OPCML: variants seen among roughly 807,000 people sequenced by gnomAD.
OPCML encodes opioid-binding protein/cell adhesion molecule.
A neutral mutation model predicts 37.8 loss-of-function variants in OPCML; 13 were observed. That is an observed-to-expected ratio of 0.34 (90% CI 0.22 to 0.55). The LOEUF is 0.55. OPCML is among the 20% of genes least tolerant of loss of function. The pLI is 0.91. For synonymous variants in OPCML, 176 were observed against 168.8 expected, an observed-to-expected ratio of 1.04 and a Z score of -0.33; for missense variants, 341 against 435.6, an observed-to-expected ratio of 0.78 and a Z score of 1.93.
At chr11:132,539,850 G>A (rs888493949) in intron 3 of OPCML, among the ~76,000 whole-genome samples, 9 of 152,042 alleles carry the variant, frequency 5.9e-5, no homozygotes, top group African/African-American at 2.2e-4. Context: ...GGGTAATAAG[G>A]GTGGTGAAGA....
intron 1 of OPCML, among the ~76,000 whole-genome samples, chr11:133,010,881 TC>T (rs1947200205): frequency 6.6e-6 from 1 of 152,210 alleles, no homozygotes; most frequent in African/African-American, 2.4e-5. Context: ...GAAGCTTAAC[TC>T]CAGCTTTTGT....
At chr11:133,496,421 C>A (rs1038843607) in intron 1 of OPCML, among the ~76,000 whole-genome samples, 17 of 151,924 alleles carry the variant, frequency 1.1e-4, no homozygotes, top group Non-Finnish European at 2.9e-5. Flanking sequence ...GAATTGTTTT[C>A]TCTAACTCTG....
rs989288622 is a variant in OPCML, at chr11:133,030,885, C to CT, written c.62-87876dup. Among the ~76,000 whole-genome samples the CT allele has an allele frequency of 3.3e-3, 481 of 146,558 alleles. 2 individuals are homozygous for CT. The highest frequency in any genetic ancestry group is 0.011 in the African/African-American group (431 of 39,156). On this transcript the variant is annotated intron_variant, in intron 1 of 7. Transcript: ENST00000524381. ...CTTTGCACTGTGCTCAGAGTTTGGA[C>CT]TTTTTTTTTTCCAAAGAAGGCATTA...
chr11:132,819,005 C>G (rs1280806548), intron 2 of OPCML, among the ~76,000 whole-genome samples: 1 of 139,138 alleles, frequency 7.2e-6, no homozygotes, highest in African/African-American at 2.7e-5. Context: ...AGTAAAGTTA[C>G]AAAGTCGAAA....
chr11:132,753,603 T>C (rs916393031), intron 2 of OPCML, among the ~76,000 whole-genome samples: 11 of 152,092 alleles, frequency 7.2e-5, no homozygotes, highest in African/African-American at 2.7e-4. Context: ...AGACAGATAA[T>C]AGACAGACTT....
intron 4 of OPCML, among the ~76,000 whole-genome samples, chr11:132,456,642 C>A (rs890210215): frequency 1.3e-5 from 2 of 152,138 alleles, no homozygotes; most frequent in Admixed American, 6.5e-5. Flanking sequence ...CAACTCTCTT[C>A]CATGAAGAAT....
In OPCML at chr11:133,362,737, C is replaced by T. The variant is rs565094211; in HGVS notation, c.61+169527G>A. ...TCCAGAATTGAGAAATGAACTCCACCAAGATGGAAGGATAAGAGGAGATCC... is the reference window on the plus strand; with the variant it reads ...TCCAGAATTGAGAAATGAACTCCACTAAGATGGAAGGATAAGAGGAGATCC... On this transcript the variant is annotated intron_variant, in intron 1 of 7. Coordinates refer to ENST00000524381, the MANE Select transcript of OPCML (RefSeq NM_001012393.5). Among the ~76,000 whole-genome samples the T allele has an allele frequency of 5.3e-5, 8 of 152,106 alleles. No homozygotes were observed. In the South Asian group the frequency reaches 8.3e-4, roughly 16 times the overall value.
chr11:132,852,601 G>A (rs1389085319), intron 2 of OPCML, among the ~76,000 whole-genome samples: 12 of 150,672 alleles, frequency 8.0e-5, no homozygotes, highest in African/African-American at 3.0e-4. Context: ...CCACGCCTGC[G>A]CACAAAGGAG....
chr11:133,082,398 C>A (rs1424355213), intron 1 of OPCML, among the ~76,000 whole-genome samples: 1 of 133,830 alleles, frequency 7.5e-6, no homozygotes, highest in African/African-American at 2.8e-5. Context: ...TCCCCTCCCC[C>A]GCACCCCTCC....
At chr11:133,028,939 G>C (rs1470558414) in intron 1 of OPCML, among the ~76,000 whole-genome samples, 1 of 149,562 alleles carries the variant, frequency 6.7e-6, no homozygotes, top group African/African-American at 2.4e-5. Flanking sequence ...CCTACAGAAT[G>C]GGAAAAAATA....
In OPCML at chr11:132,436,255, T is replaced by C. The variant is rs1592170395; in HGVS notation, c.765-18A>G. On this transcript the variant is annotated intron_variant, in intron 6 of 7. Transcript: ENST00000524381. ...TGGCTAACCTGCAAGAGGGAAGACA[T>C]TGCTATCAATTCATTCTACAAAGAG... The C allele has an allele frequency of 5.0e-6, 8 of 1,613,980 alleles. No homozygotes were observed. Among genetic ancestry groups the C allele is most frequent in the East Asian group, 2.2e-5 (1 of 44,890 alleles).
chr11:132,889,529 T>C (rs1943561973), intron 2 of OPCML, among the ~76,000 whole-genome samples: 1 of 152,216 alleles, frequency 6.6e-6, no homozygotes, highest in South Asian at 2.1e-4. Context: ...CACTGAAAGG[T>C]CCAAGTGATT....
chr11:133,007,318 T>C (rs1461148379), intron 1 of OPCML: 16 of 985,256 alleles, frequency 1.6e-5, no homozygotes, highest in Non-Finnish European at 1.9e-5. Flanking sequence ...ATAAATGACC[T>C]CAGCAGAACT....
intron 1 of OPCML, among the ~76,000 whole-genome samples, chr11:132,954,927 G>A (rs906279281): frequency 1.4e-4 from 22 of 152,296 alleles, no homozygotes; most frequent in Middle Eastern, 3.4e-3. Flanking sequence ...GAAGAAAAGA[G>A]TGGCTAGCGG....
At chr11:133,166,020 A>G (rs979748371) in intron 1 of OPCML, among the ~76,000 whole-genome samples, 1 of 152,190 alleles carries the variant, frequency 6.6e-6, no homozygotes, top group African/African-American at 2.4e-5. Flanking sequence ...TGTGTCAACT[A>G]CTATTCCACA....
intron 1 of OPCML, among the ~76,000 whole-genome samples, chr11:133,489,222 T>C (rs1173856899): frequency 6.6e-6 from 1 of 151,398 alleles, no homozygotes; most frequent in Non-Finnish European, 1.5e-5. Context: ...CAAAAATAGA[T>C]AAATGGGACT....
intron 4 of OPCML, among the ~76,000 whole-genome samples, chr11:132,442,686 C>T (rs1468337766): frequency 2.0e-5 from 3 of 152,142 alleles, no homozygotes; most frequent in Non-Finnish European, 4.4e-5. Context: ...GAATCATGGG[C>T]GCAGTTCCCC....
At chr11:133,193,911 A>G (rs1241553188) in intron 1 of OPCML, among the ~76,000 whole-genome samples, 3 of 152,236 alleles carry the variant, frequency 2.0e-5, no homozygotes, top group Non-Finnish European at 4.4e-5. Flanking sequence ...CCCATAATGA[A>G]AACAGAAAGA....
intron 4 of OPCML, among the ~76,000 whole-genome samples, chr11:132,479,987 C>G (rs529321985): frequency 6.6e-6 from 1 of 152,184 alleles, no homozygotes; most frequent in East Asian, 1.9e-4. Flanking sequence ...GGAACGCAGT[C>G]CCTCACCAGC....
Sources: allele counts gnomAD v4.1 joint callset (sites outside exome capture counted in the v4.1 genomes callset), GRCh38; gene constraint gnomAD v4.1.1; transcripts MANE v1.5; gene names NCBI Gene and HGNC (gene_info 2026-07-23, HGNC 2026-07-21).